Variants in CACNA1G observed in about 807,000 individuals in gnomAD.
CACNA1G encodes voltage-dependent T-type calcium channel subunit alpha-1G.
CACNA1G carries 67 observed loss-of-function variants against 219.4 expected under a neutral mutation model. The ratio of observed to expected loss-of-function variants is 0.31; its 90% confidence interval spans 0.25 to 0.37. The LOEUF is 0.37. CACNA1G is among the 10% of genes least tolerant of loss of function. The pLI is 1.00. For synonymous variants in CACNA1G, 1,296 were observed against 1,345.3 expected, an observed-to-expected ratio of 0.96 and a Z score of 0.80; for missense variants, 2,380 against 3,231.4, an observed-to-expected ratio of 0.74 and a Z score of 6.39.
chr17:50,588,702 C>T (rs2043521918), intron 9 of CACNA1G, among the ~76,000 whole-genome samples: 1 of 152,106 alleles, frequency 6.6e-6, no homozygotes, highest in African/African-American at 2.4e-5. Flanking sequence ...CCATGCCATA[C>T]TGGCCCCCAC....
At chr17:50,590,696 C>A in intron 10 of CACNA1G, 74 bp downstream of exon 10, 1 of 1,433,780 alleles carries the variant, frequency 7.0e-7, no homozygotes, top group Non-Finnish European at 9.6e-7. Context: ...GGGGCCATGC[C>A]ACCTATTCCC....
chr17:50,573,077 C>A lies in CACNA1G; in HGVS notation c.1104C>A (p.Ser368=). The change falls in exon 7 of 38, where the codon TCC becomes TCA. Residue 368 remains serine (S), a synonymous_variant. Coordinates refer to ENST00000359106, the MANE Select transcript of CACNA1G (RefSeq NM_018896.5). ...TGTACTTTGTGATGGATGCTCATTC[C>A]TTCTACAATTTCATCTACTTCATCC... is the stretch of plus-strand genomic sequence containing the variant. ...DIMYFVMDAH[S]FYNFIYFILL... is the part of the protein sequence containing the mutation. The A allele has an allele frequency of 6.3e-7, 1 of 1,577,022 alleles. No homozygotes were observed. Among genetic ancestry groups the A allele is most frequent in the Non-Finnish European group, 8.6e-7 (1 of 1,160,276 alleles).
chr17:50,602,258 T>C (rs1282635953), intron 19 of CACNA1G, among the ~76,000 whole-genome samples: 1 of 152,208 alleles, frequency 6.6e-6, no homozygotes. Flanking sequence ...TCTCTAGAGA[T>C]CTGCGCCTGC....
intron 9 of CACNA1G, among the ~76,000 whole-genome samples, chr17:50,585,237 CT>C (rs1429403560): frequency 1.3e-5 from 2 of 152,162 alleles, no homozygotes; most frequent in Non-Finnish European, 2.9e-5. Flanking sequence ...CCTGGAACTT[CT>C]GGGCTCAAGC....
intron 9 of CACNA1G, among the ~76,000 whole-genome samples, chr17:50,583,247 ATCCTTT>A (rs1213944064): frequency 5.3e-5 from 8 of 152,034 alleles, no homozygotes; most frequent in Non-Finnish European, 1.0e-4. Flanking sequence ...TTGGGGGATG[ATCCTTT>A]GCAGCTGACT....
intron 9 of CACNA1G, among the ~76,000 whole-genome samples, chr17:50,587,665 C>T (rs1466992610): frequency 1.3e-5 from 2 of 152,238 alleles, no homozygotes; most frequent in African/African-American, 4.8e-5. Flanking sequence ...AAGGCAGGGC[C>T]GAGGGAGTGC....
chr17:50,604,641 C>A lies in CACNA1G; in HGVS notation c.4296+360C>A, dbSNP rs558342852. Among the ~76,000 whole-genome samples, 20 of 152,334 alleles carry A rather than the reference C, an allele frequency of 1.3e-4. No homozygotes were observed. In the South Asian group the frequency reaches 2.1e-3, roughly 16 times the overall value. On this transcript the variant is annotated intron_variant, in intron 22 of 37. Transcript: ENST00000359106. ...GAGCACAGTGGGCTGCAGGCCAGGT[C>A]TGGGGATCCAGGGCCCAGACAGCTG...
chr17:50,576,777 CG>C (rs912182778), intron 8 of CACNA1G, among the ~76,000 whole-genome samples: 9 of 152,176 alleles, frequency 5.9e-5, no homozygotes, highest in African/African-American at 1.9e-4. Context: ...GGGGCGGACT[CG>C]GGGCCCGCAC....
At position 50,561,275 on chromosome 17, in the gene CACNA1G, C is replaced by G; in HGVS notation, c.-185C>G. The G allele has an allele frequency of 1.6e-6, 1 of 627,956 alleles. No homozygotes were observed. Among genetic ancestry groups the G allele is most frequent in the Non-Finnish European group, 2.6e-6 (1 of 383,862 alleles). 38.9% of individuals were successfully genotyped at this position (627,956 alleles called of 1,614,324 possible). The stretch of plus-strand genomic sequence containing the variant: ...GGGGTTTCCCTGCGCCCCGGCGCCC[C>G]GCGGGCAGCATGCCCCTGCGGGCAG... On this transcript the variant is annotated 5_prime_UTR_variant, in exon 1 of 38. Transcript: ENST00000359106.
In CACNA1G at chr17:50,613,520, C is replaced by T. The variant is rs755135546; in HGVS notation, c.4760-1841C>T. 1.4e-4 allele frequency among the ~76,000 whole-genome samples: 22 copies of T among 152,230 alleles called. No homozygotes were observed. The East Asian group carries it at 1.5e-3, about 11-fold the overall frequency. On this transcript the variant is annotated intron_variant, in intron 26 of 37. Transcript: ENST00000359106. ...CCAGAGTTGGTGGGAGCAGCTGCTC[C>T]GTTTGGCCTGGAACTGCCTACAGAG...
In CACNA1G at chr17:50,576,204, C is replaced by T. The variant is rs1050408849; in HGVS notation, c.1802C>T (p.Thr601Met). 1.1e-5 allele frequency: 17 copies of T among 1,609,120 alleles called. No individual in the cohort carries two copies. Among genetic ancestry groups the T allele is most frequent in the African/African-American group, 8.0e-5 (6 of 74,870 alleles). ...PTVHTSPPPE[T>M]LKEKALVEVA... ...GTGCACACCAGCCCTCCACCGGAGA[C>T]GCTGAAGGAGAAGGCACTAGTAGAG... is the stretch of plus-strand genomic sequence containing the variant. The change falls in exon 8 of 38, where the codon ACG (threonine) becomes ATG (methionine). Residue 601 changes from threonine to methionine, a missense_variant. Transcript: ENST00000359106.
intron 13 of CACNA1G, among the ~76,000 whole-genome samples, chr17:50,593,664 C>T (rs185399289): frequency 3.9e-5 from 6 of 152,258 alleles, no homozygotes; most frequent in East Asian, 1.9e-4. Flanking sequence ...ACAAGGCCCA[C>T]GCAGCCACAC....
rs367855850 is a variant in CACNA1G at position 50,623,893 on chromosome 17, T to C, written c.6061-14T>C. ...ACCCTCTTCCTCCACCTCCCTCCCC[T>C]GTTCCTTTTGCAGATGCAGCCCCAC... On this transcript the variant is annotated splice_polypyrimidine_tract_variant and intron_variant, in intron 35 of 37. Transcript: ENST00000359106. 3.1e-5 allele frequency: 50 copies of C among 1,602,340 alleles called. No homozygotes were observed. The African/African-American group carries it at 6.4e-4, about 21-fold the overall frequency.
intron 7 of CACNA1G, among the ~76,000 whole-genome samples, chr17:50,574,386 A>G (rs1203718954): frequency 3.9e-5 from 6 of 152,248 alleles, no homozygotes; most frequent in African/African-American, 1.4e-4. Flanking sequence ...GACAGAGGGT[A>G]GGCCCTGAGA....
At chr17:50,587,268 C>T (rs757415) in intron 9 of CACNA1G, among the ~76,000 whole-genome samples, 68,733 of 151,952 alleles carry the variant, frequency 0.45, 16,562 homozygotes, top group East Asian at 0.89. Flanking sequence ...CAAGGCACCA[C>T]ACCCCTCGGA....
chr17:50,602,689 T>G, intron 19 of CACNA1G, 131 bp from the exon 20 acceptor site: 20 of 717,038 alleles, frequency 2.8e-5, no homozygotes, highest in Non-Finnish European at 3.4e-5. Flanking sequence ...GTGATCTACA[T>G]TGTTGTGGAG....
At position 50,626,262 on chromosome 17, in the gene CACNA1G, A is replaced by G; in HGVS notation, c.6645A>G (p.Leu2215=). 6.2e-7 allele frequency: 1 copy of G among 1,613,696 alleles called. No homozygotes were observed. Residue 2215 remains leucine, a synonymous_variant, in exon 38 of 38, where the codon TTA becomes TTG. Coordinates refer to ENST00000359106, the MANE Select transcript of CACNA1G (RefSeq NM_018896.5). The surrounding 1 kb of genome is among the most constrained non-coding windows in gnomAD (Gnocchi z 4.3). The stretch of plus-strand genomic sequence containing the variant: ...GCCCTCCAGAGACCAGAAGCAGCTT[A>G]GAGTTGGACACGGAGCTGAGCTGGA... The part of the protein sequence containing the change: ...GKGPPETRSS[L]ELDTELSWIS...
At chr17:50,584,209 G>A (rs1470099641) in intron 9 of CACNA1G, among the ~76,000 whole-genome samples, 1 of 152,122 alleles carries the variant, frequency 6.6e-6, no homozygotes, top group Non-Finnish European at 1.5e-5. Flanking sequence ...AGAAGCCAGG[G>A]GCTTGGAGAG....
chr17:50,579,712 C>T (rs2041514882), intron 9 of CACNA1G, among the ~76,000 whole-genome samples: 1 of 152,162 alleles, frequency 6.6e-6, no homozygotes. Flanking sequence ...GAACGAAGGC[C>T]ATGCACCTCC....
Sources: gnomAD v4.1 joint callset for allele counts (sites outside exome capture counted in the v4.1 genomes callset) on GRCh38, gnomAD v4.1.1 for gene constraint, Gnocchi (gnomAD v3.1) non-coding constraint, MANE v1.5 for transcripts, NCBI Gene and HGNC (gene_info 2026-07-23, HGNC 2026-07-21) for gene names.